ZNF573: variants seen among roughly 807,000 people sequenced by gnomAD.
The protein encoded by ZNF573 is zinc finger protein 573.
In ZNF573, 41 loss-of-function variants were observed where a neutral mutation model predicts 57.4. The observed-to-expected ratio is 0.71, with a 90% CI of 0.56 to 0.93. The LOEUF (loss-of-function observed/expected upper bound fraction) is 0.93, where lower values mean the gene tolerates loss of function less well. Among genes scored for constraint, ZNF573 ranks in the 40% least tolerant of loss-of-function variants. The pLI, the probability that ZNF573 is intolerant of heterozygous loss-of-function variation, is 0.00. For synonymous variants in ZNF573, 249 were observed against 261.0 expected (o/e 0.95, Z 0.44); for missense variants, 730 against 794.8 (o/e 0.92, Z 0.98).
chr19:37,758,246 T>A lies in ZNF573; in HGVS notation c.295+11759A>T, dbSNP rs1406935922. ...ATATATATATATATATATATATATA[T>A]ATATATATATATATATATAAAATTA... On this transcript the variant is annotated intron_variant, in intron 4 of 4. Transcript: ENST00000536220. 5.4e-3 allele frequency among the ~76,000 whole-genome samples: 436 copies of A among 81,162 alleles called. 64 individuals carry two copies. Among genetic ancestry groups the A allele is most frequent in the African/African-American group, 0.022 (408 of 18,468 alleles). The allele number at this position is 81,162 out of a possible 152,430, so 53.2% of individuals were successfully genotyped here.
At chr19:37,756,355 A>G (rs1345448008) in intron 4 of ZNF573, among the ~76,000 whole-genome samples, 2 of 152,236 alleles carry the variant, frequency 1.3e-5, no homozygotes, top group Non-Finnish European at 1.5e-5. Context: ...AGAATTGTAC[A>G]TACGGTTTCA....
At chr19:37,752,059 CAGAA>C (rs1209668001) in intron 4 of ZNF573, among the ~76,000 whole-genome samples, 6 of 150,890 alleles carry the variant, frequency 4.0e-5, no homozygotes, top group African/African-American at 7.3e-5. Context: ...AGTATATAGA[CAGAA>C]AGACTATGTG....
rs2045304402 is a variant in ZNF573, at chr19:37,739,663, C to T, written c.827G>A (p.Cys276Tyr). 1.2e-5 allele frequency: 20 copies of T among 1,614,016 alleles called. No homozygotes were observed. Among genetic ancestry groups the T allele is most frequent in the Non-Finnish European group, 1.5e-5 (18 of 1,179,974 alleles). ...ACTAAAAGTCTTCCCACATTCCTTA[C>T]ATTTATATGGTTTTTCGCCAGTATG... The part of the protein sequence containing the change: ...RVHTGEKPYK[C>Y]KECGKTFSRR... Residue 276 changes from cysteine to tyrosine, a missense_variant, in exon 5 of 5, where the codon TGT (cysteine) becomes TAT (tyrosine). Transcript: ENST00000536220.
intron 1 of ZNF573, chr19:37,778,611 C>T (rs1464053244): frequency 6.6e-6 from 1 of 151,946 alleles, no homozygotes; most frequent in East Asian, 2.0e-4. Flanking sequence ...GTAAAACATA[C>T]TCTAAAACCA....
At chr19:37,775,010 CTCTT>C (rs2045694721) in intron 1 of ZNF573, among the ~76,000 whole-genome samples, 1 of 141,678 alleles carries the variant, frequency 7.1e-6, no homozygotes, top group Non-Finnish European at 1.5e-5. Context: ...TAAACTCTCT[CTCTT>C]TTTTTTTTTT....
chr19:37,746,494 T>C (rs2045383719), intron 4 of ZNF573, among the ~76,000 whole-genome samples: 1 of 152,174 alleles, frequency 6.6e-6, no homozygotes, highest in South Asian at 2.1e-4. Context: ...CATGTTTAGC[T>C]TCAGATGCAT....
At chr19:37,763,266 T>A (rs936874204) in intron 4 of ZNF573, among the ~76,000 whole-genome samples, 3 of 151,164 alleles carry the variant, frequency 2.0e-5, no homozygotes, top group Admixed American at 6.6e-5. Context: ...ATATATATAT[T>A]ATAAATATAT....
At chr19:37,749,516 ATG>A (rs2045413759) in intron 4 of ZNF573, among the ~76,000 whole-genome samples, 1 of 152,120 alleles carries the variant, frequency 6.6e-6, no homozygotes, top group Non-Finnish European at 1.5e-5. Context: ...TATAAAGCAG[ATG>A]TAAATACATA....
chr19:37,745,687 C>T (rs1468589779), intron 4 of ZNF573, among the ~76,000 whole-genome samples: 3 of 152,214 alleles, frequency 2.0e-5, no homozygotes, highest in Admixed American at 6.5e-5. Flanking sequence ...TGAGCCACCA[C>T]ACTTGGCAAG....
At chr19:37,763,931 C>T (rs1195942047) in intron 4 of ZNF573, among the ~76,000 whole-genome samples, 4 of 151,944 alleles carry the variant, frequency 2.6e-5, no homozygotes, top group South Asian at 2.1e-4. Flanking sequence ...GGCATGGTAC[C>T]GCATGCCTGT....
chr19:37,773,231 T>C (rs947144545), intron 2 of ZNF573, among the ~76,000 whole-genome samples: 1 of 152,196 alleles, frequency 6.6e-6, no homozygotes, highest in Non-Finnish European at 1.5e-5. Flanking sequence ...TCTCATCACA[T>C]ACTAAGACAG....
Position 37,739,638 on chromosome 19 carries a change from A to G in ZNF573, c.852T>C (p.Ser284=), listed in dbSNP as rs1446768415. ...YKCKECGKTF[S]RRSNLVEHGQ... ...CATGTTCAACAAGATTTGAGCGCCT[A>G]CTAAAAGTCTTCCCACATTCCTTAC... Residue 284 remains serine (S), a synonymous_variant, in exon 5 of 5, where the codon AGT becomes AGC. Transcript: ENST00000536220. The G allele has an allele frequency of 2.5e-6, 4 of 1,613,998 alleles. 1 individual carries two copies. Among genetic ancestry groups the G allele is most frequent in the East Asian group, 2.2e-5 (1 of 44,874 alleles).
At chr19:37,775,680 A>G (rs1250531022) in intron 1 of ZNF573, among the ~76,000 whole-genome samples, 1 of 152,134 alleles carries the variant, frequency 6.6e-6, no homozygotes, top group African/African-American at 2.4e-5. Context: ...ATATACCTAG[A>G]AAACCCTAAA....
chr19:37,758,242 TATATATATATATATATATATATAAA>T (rs2045513948), intron 4 of ZNF573, among the ~76,000 whole-genome samples: 1 of 72,024 alleles, frequency 1.4e-5, no homozygotes. Context: ...TATATATATA[TATATATATATATATATATATATAAA>T]ATTACCCAGT....
Position 37,738,908 on chromosome 19 carries a change from A to C in ZNF573, c.1582T>G (p.Cys528Gly). ...GTAAAGGTTTTTCTACATACCTTAC[A>C]TTCATAGGGTTTCATACCAGTATGA... ...KIHTGMKPYE[C>G]KVCRKTFTFY... is the part of the protein sequence containing the mutation. Residue 528 changes from cysteine to glycine, a missense_variant, in exon 5 of 5, where the codon TGT becomes GGT. Cys to Gly is a radical substitution (Grantham distance 159). Coordinates refer to ENST00000536220, the MANE Select transcript of ZNF573 (RefSeq NM_001172690.2). 3 of 1,611,326 alleles carry C rather than the reference A, an allele frequency of 1.9e-6. No individual in the cohort carries two copies. The highest frequency in any genetic ancestry group is 2.5e-6 in the Non-Finnish European group (3 of 1,177,872).
At chr19:37,776,757 G>A (rs558163312) in intron 1 of ZNF573, among the ~76,000 whole-genome samples, 73 of 152,226 alleles carry the variant, frequency 4.8e-4, no homozygotes, top group African/African-American at 1.6e-3. Context: ...CTGACATCCA[G>A]AATCTACAAG....
intron 4 of ZNF573, among the ~76,000 whole-genome samples, chr19:37,748,672 T>C (rs2045404525): frequency 6.6e-6 from 1 of 151,998 alleles, no homozygotes; most frequent in Non-Finnish European, 1.5e-5. Flanking sequence ...GCTCATGCCT[T>C]AACCCCAGCA....
At chr19:37,769,903 TG>T in intron 4 of ZNF573, 101 bp downstream of exon 4, 1 of 948,594 alleles carries the variant, frequency 1.1e-6, no homozygotes, top group Non-Finnish European at 1.7e-6. Context: ...TCCACAAGTC[TG>T]GGTGCCTTGG....
At chr19:37,758,212 T>A (rs375870621) in intron 4 of ZNF573, among the ~76,000 whole-genome samples, 1,574 of 3,970 alleles carry the variant, frequency 0.4, 164 homozygotes, top group Non-Finnish European at 0.48. Context: ...AATATATATA[T>A]ATATATATAT....
Sources: allele counts gnomAD v4.1 joint callset (sites outside exome capture counted in the v4.1 genomes callset), GRCh38; gene constraint gnomAD v4.1.1; transcripts MANE v1.5; gene names NCBI Gene and HGNC (gene_info 2026-07-23, HGNC 2026-07-21).